Variants in DDX19B observed in about 807,000 individuals in gnomAD.
DDX19B encodes ATP-dependent RNA helicase DDX19B.
A neutral mutation model predicts 58.1 loss-of-function variants in DDX19B; 27 were observed. The observed-to-expected ratio is 0.46, with a 90% CI of 0.34 to 0.64. The LOEUF (loss-of-function observed/expected upper bound fraction) is 0.64, where lower values mean the gene tolerates loss of function less well. Ranked by LOEUF, DDX19B falls within the 30% of genes least tolerant of loss-of-function variation. The pLI is 0.01. For synonymous variants in DDX19B, 187 were observed against 214.4 expected, an observed-to-expected ratio of 0.87 and a Z score of 1.12; for missense variants, 399 against 596.5, an observed-to-expected ratio of 0.67 and a Z score of 3.45.
intron 2 of DDX19B, among the ~76,000 whole-genome samples, chr16:70,312,946 T>C (rs1397666046): frequency 6.6e-6 from 1 of 151,750 alleles, no homozygotes; most frequent in East Asian, 1.9e-4. Flanking sequence ...CAGACTCAAG[T>C]GATCCTCCAC....
chr16:70,299,363 G>C lies in DDX19B; in HGVS notation c.57+9G>C, dbSNP rs776029326. On this transcript the variant is annotated intron_variant, in intron 1 of 11. Transcript: ENST00000288071. ...AAGCTGCGGCTGAGTCGGTGAGTTG[G>C]CTTCAGCCCTAAAAGGGTCAGGGGA... 2 of 1,605,500 alleles carry C rather than the reference G, an allele frequency of 1.2e-6. No individual in the cohort carries two copies. The highest frequency in any genetic ancestry group is 2.2e-5 in the South Asian group (2 of 89,554).
intron 1 of DDX19B, among the ~76,000 whole-genome samples, chr16:70,302,701 T>C (rs1208634388): frequency 6.6e-6 from 1 of 152,214 alleles, no homozygotes; most frequent in African/African-American, 2.4e-5. Context: ...ACTCTATACA[T>C]TAAGGTACAG....
chr16:70,290,541 A>T (rs950932845), upstream of DDX19B, among the ~76,000 whole-genome samples: 1 of 152,086 alleles, frequency 6.6e-6, no homozygotes, highest in Non-Finnish European at 1.5e-5. Context: ...AAAAAATAAA[A>T]AATAAAAATT....
upstream of DDX19B, among the ~76,000 whole-genome samples, chr16:70,293,767 G>A (rs1344194141): frequency 6.7e-6 from 1 of 148,896 alleles, no homozygotes; most frequent in Non-Finnish European, 1.5e-5. Context: ...GCCCGCCACC[G>A]TGCCCGGCTA....
intron 6 of DDX19B, among the ~76,000 whole-genome samples, chr16:70,325,198 C>A (rs1567635919): frequency 6.6e-6 from 1 of 152,220 alleles, no homozygotes; most frequent in South Asian, 2.1e-4. Flanking sequence ...TGGGATGCTT[C>A]TTACAGGCTT....
At chr16:70,332,896 G>C in intron 10 of DDX19B, 72 bp from the exon 11 acceptor site, 2 of 1,613,030 alleles carry the variant, frequency 1.2e-6, no homozygotes, top group East Asian at 2.2e-5. Context: ...ATGCTCCATT[G>C]TATGGATGGA....
At chr16:70,308,020 T>G (rs2152190163) in intron 1 of DDX19B, among the ~76,000 whole-genome samples, 1 of 152,140 alleles carries the variant, frequency 6.6e-6, no homozygotes, top group East Asian at 1.9e-4. Flanking sequence ...TGGCACCATG[T>G]CGGCTCACTG....
chr16:70,315,305 T>C (rs977328605), intron 3 of DDX19B, among the ~76,000 whole-genome samples: 4 of 147,030 alleles, frequency 2.7e-5, no homozygotes, highest in African/African-American at 7.6e-5. Context: ...AAGAATGGCA[T>C]GAACCCGGGA....
At chr16:70,294,570 T>G (rs1434486389), upstream of DDX19B, among the ~76,000 whole-genome samples, 2 of 152,204 alleles carry the variant, frequency 1.3e-5, no homozygotes, top group African/African-American at 2.4e-5. Context: ...GACCACTATG[T>G]GTTAGTCACT....
chr16:70,312,210 T>C (rs1962129449), intron 1 of DDX19B, among the ~76,000 whole-genome samples: 1 of 152,144 alleles, frequency 6.6e-6, no homozygotes, highest in African/African-American at 2.4e-5. Flanking sequence ...TTTCAAAATC[T>C]CTTTAAATTT....
chr16:70,327,389 C>T (rs1291375858), intron 7 of DDX19B, among the ~76,000 whole-genome samples: 1 of 151,778 alleles, frequency 6.6e-6, no homozygotes, highest in Non-Finnish European at 1.5e-5. Flanking sequence ...AAAAATTAGC[C>T]AGGTGTGGTG....
chr16:70,290,264 G>A (rs1012402513), upstream of DDX19B, among the ~76,000 whole-genome samples: 2 of 152,090 alleles, frequency 1.3e-5, no homozygotes, highest in Non-Finnish European at 2.9e-5. Flanking sequence ...AAGGCCGGGC[G>A]CGGTGGCCCA....
Position 70,333,098 on chromosome 16 carries a change from A to G in DDX19B, c.1317A>G (p.Ala439=), listed in dbSNP as rs763704173. The G allele has an allele frequency of 8.4e-5, 133 of 1,583,732 alleles. No homozygotes were observed. Among genetic ancestry groups the G allele is most frequent in the Non-Finnish European group, 1.1e-4 (130 of 1,162,272 alleles). Residue 439 remains alanine (A), a synonymous_variant, in exon 11 of 12, where the codon GCA becomes GCG. Transcript: ENST00000288071. ...GCCGCTTTGGCAAGAGGGGCCTGGC[A>G]GTGAACATGGTGGACAGCAAGCACA... ...RTGRFGKRGL[A]VNMVDSKHSM...
intron 6 of DDX19B, among the ~76,000 whole-genome samples, chr16:70,325,149 A>G (rs1419350786): frequency 6.6e-6 from 1 of 152,220 alleles, no homozygotes; most frequent in African/African-American, 2.4e-5. Context: ...TCCAATGGCA[A>G]TAAAAATCCT....
intron 4 of DDX19B, 107 bp downstream of exon 4, chr16:70,316,211 G>GTT (rs35388962): frequency 0.016 from 18,296 of 1,171,306 alleles, no homozygotes; most frequent in South Asian, 0.021. Flanking sequence ...AGCTAACCAA[G>GTT]TTTTTTTTTT....
At chr16:70,327,211 G>T (rs1421503616) in intron 7 of DDX19B, among the ~76,000 whole-genome samples, 1 of 151,972 alleles carries the variant, frequency 6.6e-6, no homozygotes, top group African/African-American at 2.4e-5. Flanking sequence ...GAGCCACCGT[G>T]CCTGGCCACA....
At chr16:70,331,937 A>G in intron 10 of DDX19B, 53 bp downstream of exon 10, 1 of 1,596,256 alleles carries the variant, frequency 6.3e-7, no homozygotes, top group East Asian at 2.2e-5. Flanking sequence ...TCCCAGGCCC[A>G]GTTAGAGCCA....
chr16:70,293,775 C>A (rs2152177847), upstream of DDX19B, among the ~76,000 whole-genome samples: 1 of 149,548 alleles, frequency 6.7e-6, no homozygotes, highest in South Asian at 2.1e-4. Context: ...CCGTGCCCGG[C>A]TAATTTTTTG....
intron 5 of DDX19B, 70 bp from the exon 6 acceptor site, chr16:70,324,515 C>G (rs1293244157): frequency 4.4e-6 from 6 of 1,370,254 alleles, no homozygotes; most frequent in Non-Finnish European, 6.1e-6. Context: ...ATTTTTAATA[C>G]TCATTTTTTT....
Sources: allele counts gnomAD v4.1 joint callset (sites outside exome capture counted in the v4.1 genomes callset), GRCh38; gene constraint gnomAD v4.1.1; transcripts MANE v1.5; gene names NCBI Gene and HGNC (gene_info 2026-07-23, HGNC 2026-07-21).